The following ISOC2 variants were observed in gnomAD, a reference collection of about 807,000 sequenced individuals.
The protein encoded by ISOC2 is isochorismatase domain-containing protein 2.
ISOC2 carries 15 observed loss-of-function variants against 19.3 expected under a neutral mutation model. That is an observed-to-expected ratio of 0.78 (90% CI 0.52 to 1.20). ISOC2 has a LOEUF of 1.20. ISOC2 is among the 50% of genes most tolerant of loss of function. The pLI is 0.00. For missense variants in ISOC2, 285 were observed against 272.4 expected, an observed-to-expected ratio of 1.05 and a Z score of -0.33; for synonymous variants, 106 against 115.8, an observed-to-expected ratio of 0.92 and a Z score of 0.54.
intron 2 of ISOC2, chr19:55,456,052 C>A: frequency 1.8e-6 from 1 of 561,786 alleles, no homozygotes; most frequent in East Asian, 3.1e-5. Flanking sequence ...TGGACTCCTG[C>A]GTCTGAGGGA....
At chr19:55,457,047 C>T (rs1986086087) in intron 1 of ISOC2, 1 of 156,390 alleles carries the variant, frequency 6.4e-6, no homozygotes, top group South Asian at 1.9e-4. Flanking sequence ...TGGGCCAGCC[C>T]ACTCCCCAGG....
chr19:55,461,017 A>C (rs1986218107), intron 1 of ISOC2, among the ~76,000 whole-genome samples: 1 of 151,926 alleles, frequency 6.6e-6, no homozygotes, highest in Non-Finnish European at 1.5e-5. Context: ...AATTGGGGTG[A>C]GGGTGGGTGT....
chr19:55,455,557 T>C, intron 3 of ISOC2, 79 bp downstream of exon 3: 1 of 1,276,172 alleles, frequency 7.8e-7, no homozygotes, highest in African/African-American at 1.5e-5. Context: ...TGGAGGTTTC[T>C]GGTCAGGGAA....
chr19:55,460,583 T>G (rs1986202220), intron 1 of ISOC2, among the ~76,000 whole-genome samples: 1 of 152,260 alleles, frequency 6.6e-6, no homozygotes. Context: ...GGACAGTGAC[T>G]GCCCTTGGAC....
chr19:55,455,180 G>A (rs1338529118), intron 4 of ISOC2, 74 bp from the exon 5 acceptor site: 1 of 1,565,422 alleles, frequency 6.4e-7, no homozygotes, highest in East Asian at 2.3e-5. Context: ...CAGGCACCCT[G>A]GTGGGAATGC....
intron 1 of ISOC2, among the ~76,000 whole-genome samples, chr19:55,459,207 G>C (rs73057141): frequency 0.019 from 2,943 of 152,222 alleles, 38 homozygotes; most frequent in Middle Eastern, 0.031. Context: ...AACATGCTGG[G>C]ATTACAAGCG....
Position 55,453,343 on chromosome 19 carries a change from C to CCAGCAGTCCGCTGTCTGGGGCGG in ISOC2, c.560_582dup (p.Gly195ProfsTer?). 6.2e-7 allele frequency: 1 copy of CCAGCAGTCCGCTGTCTGGGGCGG among 1,607,898 alleles called. No homozygotes were observed. Among genetic ancestry groups the CCAGCAGTCCGCTGTCTGGGGCGG allele is most frequent in the Non-Finnish European group, 8.5e-7 (1 of 1,177,388 alleles). ...AGGGAGTTCTGGCCTTGGAAGAGGC[C>CCAGCAGTCCGCTGTCTGGGGCGG]CAGCAGTCCGCTGTCTGGGGCGGGC... On this transcript the variant is annotated frameshift_variant, in exon 6 of 6. Coordinates refer to ENST00000425675, the MANE Select transcript of ISOC2 (RefSeq NM_001136201.2). LOFTEE classifies it high-confidence loss of function.
chr19:55,456,823 GCCCCGGTTACCATCCA>G (rs1297330212), intron 1 of ISOC2, among the ~76,000 whole-genome samples: 1 of 152,000 alleles, frequency 6.6e-6, no homozygotes, highest in Non-Finnish European at 1.5e-5. Flanking sequence ...GTTACCATCC[GCCCCGGTTACCATCCA>G]CCCCAGTTAC....
At chr19:55,454,846 T>C (rs1303799188) in intron 5 of ISOC2, 143 bp downstream of exon 5, 1 of 694,186 alleles carries the variant, frequency 1.4e-6, no homozygotes, top group Non-Finnish European at 2.6e-6. Flanking sequence ...TTTATGGCAG[T>C]GACAGTGACC....
chr19:55,453,838 TAAAA>T (rs1985953888), intron 5 of ISOC2: 1 of 151,740 alleles, frequency 6.6e-6, no homozygotes, highest in Non-Finnish European at 1.5e-5. Flanking sequence ...CTCCAGAAAA[TAAAA>T]TAAATAAATA....
intron 5 of ISOC2, 170 bp from the exon 6 acceptor site, chr19:55,453,558 C>T: frequency 2.0e-6 from 1 of 494,176 alleles, no homozygotes; most frequent in East Asian, 3.5e-5. Context: ...CCTTTCATTA[C>T]ACGTGACTGG....
chr19:55,457,494 C>G (rs1291428692), intron 1 of ISOC2, among the ~76,000 whole-genome samples: 1 of 151,368 alleles, frequency 6.6e-6, no homozygotes, highest in African/African-American at 2.4e-5. Flanking sequence ...GAGATCACAC[C>G]ACTGCACTCC....
chr19:55,454,755 T>G, intron 5 of ISOC2: 1 of 565,590 alleles, frequency 1.8e-6, no homozygotes, highest in African/African-American at 1.9e-5. Flanking sequence ...CCCTCCTCTG[T>G]GCCCTGACCC....
At position 55,453,185 on chromosome 19, in the gene ISOC2, C is replaced by CG. The variant is rs1985921140; in HGVS notation, c.*122_*123insC. The CG allele has an allele frequency of 3.2e-6, 2 of 616,056 alleles. No individual in the cohort carries two copies. Among genetic ancestry groups the CG allele is most frequent in the South Asian group, 2.5e-5 (1 of 39,418 alleles). 38.2% of individuals were successfully genotyped at this position (616,056 alleles called of 1,614,324 possible). A position where few individuals can be genotyped will look rare whatever the true frequency, so the allele number is the denominator to read the frequency against. On this transcript the variant is annotated 3_prime_UTR_variant, in exon 6 of 6. Coordinates refer to ENST00000425675, the MANE Select transcript of ISOC2 (RefSeq NM_001136201.2). ...AATGGGAAGGCAGCACCCTGCCCCC[C>CG]CCACAAGGGGGCGGCACTCCTGGTG... is the stretch of plus-strand genomic sequence containing the variant.
intron 4 of ISOC2, 58 bp from the exon 5 acceptor site, chr19:55,455,164 G>A (rs1986005047): frequency 2.5e-6 from 4 of 1,579,242 alleles, no homozygotes; most frequent in Non-Finnish European, 3.5e-6. Flanking sequence ...TGGACACCCA[G>A]ACACGCAGGC....
At chr19:55,459,157 G>A (rs931444396) in intron 1 of ISOC2, among the ~76,000 whole-genome samples, 1 of 151,484 alleles carries the variant, frequency 6.6e-6, no homozygotes, top group Admixed American at 6.6e-5. Context: ...GGCTGGTCTC[G>A]AACTCCTGGG....
chr19:55,456,398 T>A lies in ISOC2; in HGVS notation c.89A>T (p.Asn30Ile), dbSNP rs113348722. ...GACGATCTGTGGGAAGTAGGCGATG[T>A]TGTGGCGGAACTTCTCCTGCATGTC... Reference protein sequence around the residue: ...LCDMQEKFRHNIAYFPQIVSV... With the variant: ...LCDMQEKFRHIIAYFPQIVSV... The change falls in exon 2 of 6, where the codon AAC (asparagine) becomes ATC (isoleucine). Residue 30 changes from asparagine to isoleucine, a missense_variant. Transcript: ENST00000425675. 1.9e-6 allele frequency: 3 copies of A among 1,613,632 alleles called. No individual in the cohort carries two copies. Among genetic ancestry groups the A allele is most frequent in the African/African-American group, 2.7e-5 (2 of 74,854 alleles).
At chr19:55,456,849 C>T (rs1338701735) in intron 1 of ISOC2, among the ~76,000 whole-genome samples, 1 of 152,146 alleles carries the variant, frequency 6.6e-6, no homozygotes, top group Non-Finnish European at 1.5e-5. Context: ...ACCCCAGTTA[C>T]TATCAGTCCC....
intron 1 of ISOC2, 99 bp from the exon 2 acceptor site, chr19:55,456,588 G>A (rs1986070448): frequency 7.5e-6 from 11 of 1,466,386 alleles, no homozygotes; most frequent in Middle Eastern, 2.2e-4. Flanking sequence ...GGCAGGGCCC[G>A]GGGCACCTTG....
Sources: allele counts gnomAD v4.1 joint callset (sites outside exome capture counted in the v4.1 genomes callset), GRCh38; gene constraint gnomAD v4.1.1; transcripts MANE v1.5; gene names NCBI Gene and HGNC (gene_info 2026-07-23, HGNC 2026-07-21).